Variants in CHAMP1 observed in about 807,000 individuals in gnomAD.
The protein encoded by CHAMP1 is chromosome alignment maintaining phosphoprotein 1.
CHAMP1 carries 4 observed loss-of-function variants against 54.5 expected under a neutral mutation model. That is an observed-to-expected ratio of 0.07 (90% CI 0.04 to 0.17). CHAMP1 has a LOEUF of 0.17. Ranked by LOEUF, CHAMP1 falls within the 10% of genes least tolerant of loss-of-function variation. The pLI, the probability that CHAMP1 is intolerant of heterozygous loss-of-function variation, is 1.00. For synonymous variants in CHAMP1, 368 were observed against 342.2 expected (o/e 1.08, Z -0.83); for missense variants, 994 against 968.6 (o/e 1.03, Z -0.35).
In CHAMP1 at chr13:114,324,736, A is replaced by G. The variant is rs1555379578; in HGVS notation, c.894A>G (p.Pro298=). 1 of 1,613,862 alleles carries G rather than the reference A, an allele frequency of 6.2e-7. No homozygotes were observed. Among genetic ancestry groups the G allele is most frequent in the Non-Finnish European group, 8.5e-7 (1 of 1,179,834 alleles). The part of the protein sequence containing the change: ...EPWKPFPAVS[P]EPRRPAPAVS... The stretch of plus-strand genomic sequence containing the variant: ...GGAAGCCGTTCCCTGCTGTCTCCCC[A>G]GAGCCTAGGAGACCAGCCCCCGCTG... The change falls in exon 3 of 3, where the codon CCA becomes CCG. Residue 298 remains proline, a synonymous_variant. Transcript: ENST00000361283.
intron 1 of CHAMP1, among the ~76,000 whole-genome samples, chr13:114,320,792 TA>T (rs1273561895): frequency 6.6e-6 from 1 of 151,986 alleles, no homozygotes; most frequent in Non-Finnish European, 1.5e-5. Context: ...CCGTCTCTAC[TA>T]AAAATACAAA....
In CHAMP1 at chr13:114,324,471, C is replaced by T. The variant is rs782332427; in HGVS notation, c.629C>T (p.Pro210Leu). The T allele has an allele frequency of 6.2e-7, 1 of 1,614,194 alleles. No homozygotes were observed. The highest frequency in any genetic ancestry group is 2.2e-5 in the East Asian group (1 of 44,886). ...GTTCCTTCTCCAGAACCACAGAAAC[C>T]TGCCCCTGTATCTCCTGAGTCAGTA... is the stretch of plus-strand genomic sequence containing the variant. ...APVPSPEPQK[P>L]APVSPESVKA... Residue 210 changes from proline (P) to leucine (L), a missense_variant, in exon 3 of 3, where the codon CCT becomes CTT. Pro to Leu is a moderately conservative substitution (Grantham distance 98). This residue lies in a region of CHAMP1 where 851 missense variants were observed against 701.3 expected (regional missense o/e 1.21). Coordinates refer to ENST00000361283, the MANE Select transcript of CHAMP1 (RefSeq NM_032436.4).
chr13:114,324,912 G>C lies in CHAMP1; in HGVS notation c.1070G>C (p.Gly357Ala). Residue 357 changes from glycine (G) to alanine (A), a missense_variant, in exon 3 of 3, where the codon GGA (glycine) becomes GCA (alanine). By Grantham distance (60) the Gly-to-Ala change is moderately conservative. Coordinates refer to ENST00000361283, the MANE Select transcript of CHAMP1 (RefSeq NM_032436.4). ...AAACCAATTCCTTCTGTATCTCCTG[G>C]ACCTTGGAAACCAACTCCATCTGTG... ...PWKPIPSVSP[G>A]PWKPTPSVSS... 6.2e-7 allele frequency: 1 copy of C among 1,613,972 alleles called. No individual in the cohort carries two copies. The highest frequency in any genetic ancestry group is 2.2e-5 in the East Asian group (1 of 44,856).
chr13:114,326,266 G>A lies in CHAMP1; in HGVS notation c.2424G>A (p.Glu808=), dbSNP rs994435488. ...KLMEALEPPL[E]EQQI is the part of the protein sequence containing the mutation. ...TGGAAGCTCTTGAACCGCCACTGGAGGAGCAGCAAATTTGATAACACAGTG... is the reference window on the plus strand; with the variant it reads ...TGGAAGCTCTTGAACCGCCACTGGAAGAGCAGCAAATTTGATAACACAGTG... Residue 808 remains glutamate, a synonymous_variant, in exon 3 of 3, where the codon GAG becomes GAA. Transcript: ENST00000361283. The A allele has an allele frequency of 6.4e-7, 1 of 1,569,436 alleles. No homozygotes were observed. Among genetic ancestry groups the A allele is most frequent in the Non-Finnish European group, 8.6e-7 (1 of 1,160,668 alleles).
chr13:114,323,528 C>A, intron 2 of CHAMP1: 1 of 259,862 alleles, frequency 3.8e-6, no homozygotes, highest in Non-Finnish European at 7.2e-6. Context: ...GGTAACTTCT[C>A]TGAACCTGTT....
Position 114,325,023 on chromosome 13 carries a change from C to G in CHAMP1, c.1181C>G (p.Pro394Arg). The G allele has an allele frequency of 6.2e-7, 1 of 1,614,148 alleles. No homozygotes were observed. The highest frequency in any genetic ancestry group is 8.5e-7 in the Non-Finnish European group (1 of 1,180,040). Residue 394 changes from proline to arginine, a missense_variant, in exon 3 of 3, where the codon CCA (proline) becomes CGA (arginine). By Grantham distance (103) the Pro-to-Arg change is moderately radical. This residue lies in a region of CHAMP1 where 851 missense variants were observed against 701.3 expected (regional missense o/e 1.21). Transcript: ENST00000361283. ...PASPESWKSG[P>R]PELRKTAPTL... ...TCTCCTGAGTCATGGAAGTCTGGCC[C>G]ACCAGAACTCCGAAAGACAGCTCCC...
chr13:114,317,076 G>A (rs936333442), intron 1 of CHAMP1, among the ~76,000 whole-genome samples: 2 of 152,060 alleles, frequency 1.3e-5, no homozygotes, highest in African/African-American at 4.8e-5. Context: ...GGAGTGCAGT[G>A]GCTCAGTCTT....
In CHAMP1 at chr13:114,325,157, C is replaced by G; in HGVS notation, c.1315C>G (p.Leu439Val). Residue 439 changes from leucine to valine, a missense_variant, in exon 3 of 3, where the codon CTC (leucine) becomes GTC (valine). Around this residue, in one of 3 missense-constraint regions of CHAMP1, gnomAD observed 851 missense variants for 701.3 expected, o/e 1.21. Transcript: ENST00000361283. ...CCGTAGTCCAGCAGGATCTCCAGAG[C>G]TCAGAAAACCCTCAGGGTCACCAGA... is the stretch of plus-strand genomic sequence containing the variant. ...EIRSPAGSPE[L>V]RKPSGSPDLW... The G allele has an allele frequency of 6.2e-7, 1 of 1,614,206 alleles. No homozygotes were observed. Among genetic ancestry groups the G allele is most frequent in the East Asian group, 2.2e-5 (1 of 44,894 alleles).
In CHAMP1 at chr13:114,324,073, A is replaced by G. The variant is rs781981095; in HGVS notation, c.231A>G (p.Val77=). The G allele has an allele frequency of 1.9e-6, 3 of 1,614,126 alleles. No homozygotes were observed. Among genetic ancestry groups the G allele is most frequent in the Non-Finnish European group, 1.7e-6 (2 of 1,180,044 alleles). Residue 77 remains valine (V), a synonymous_variant, in exon 3 of 3, where the codon GTA becomes GTG. Coordinates refer to ENST00000361283, the MANE Select transcript of CHAMP1 (RefSeq NM_032436.4). ...TCACCAGCAAGATGTACTCTAATGTATACTATCACATCACATCCAAACATG... is the reference window on the plus strand; with the variant it reads ...TCACCAGCAAGATGTACTCTAATGTGTACTATCACATCACATCCAAACATG... The part of the protein sequence containing the change: ...CFFTSKMYSN[V]YYHITSKHAS...
At chr13:114,323,635 T>C in intron 2 of CHAMP1, 153 bp from the exon 3 acceptor site, 1 of 600,908 alleles carries the variant, frequency 1.7e-6, no homozygotes, top group South Asian at 2.6e-5. Context: ...GGGACTGTTC[T>C]ATATCTCCTT....
At chr13:114,315,487 G>GTGGTA (rs750747115) in intron 1 of CHAMP1, among the ~76,000 whole-genome samples, 7 of 152,208 alleles carry the variant, frequency 4.6e-5, no homozygotes. Context: ...AAGGCAAGCT[G>GTGGTA]TGGTATATAC....
intron 2 of CHAMP1, chr13:114,322,640 AT>A (rs1450457715): frequency 6.6e-6 from 1 of 152,250 alleles, no homozygotes; most frequent in Non-Finnish European, 1.5e-5. Context: ...CAAGTAATCC[AT>A]TGCTAGGAAT....
Position 114,325,715 on chromosome 13 carries a change from G to A in CHAMP1, c.1873G>A (p.Glu625Lys). 1 of 1,614,010 alleles carries A rather than the reference G, an allele frequency of 6.2e-7. No individual in the cohort carries two copies. Among genetic ancestry groups the A allele is most frequent in the South Asian group, 1.1e-5 (1 of 91,042 alleles). Residue 625 changes from glutamate to lysine, a missense_variant, in exon 3 of 3, where the codon GAG becomes AAG. Physicochemically the swap from Glu to Lys is moderately conservative, Grantham distance 56. This residue lies in a region of CHAMP1 where 851 missense variants were observed against 701.3 expected (regional missense o/e 1.21). Transcript: ENST00000361283. The stretch of plus-strand genomic sequence containing the variant: ...AAAGAAGCTCAAGAAAGACAACCAA[G>A]AGAGCTCAGACGCTGAGCTTAGTAG... The part of the protein sequence containing the change: ...SSKKLKKDNQ[E>K]SSDAELSSSE...
intron 1 of CHAMP1, among the ~76,000 whole-genome samples, chr13:114,316,758 T>A (rs181836920): frequency 1.3e-5 from 2 of 151,908 alleles, no homozygotes; most frequent in African/African-American, 2.4e-5. Context: ...TTGGATTTTT[T>A]TTTTTTTTTT....
At chr13:114,315,459 C>T (rs901664905) in intron 1 of CHAMP1, among the ~76,000 whole-genome samples, 38 of 149,736 alleles carry the variant, frequency 2.5e-4, no homozygotes, top group African/African-American at 8.7e-4. Flanking sequence ...ATCCAGATGT[C>T]TATCAACATG....
Position 114,325,588 on chromosome 13 carries a change from A to G in CHAMP1, c.1746A>G (p.Leu582=). 1.2e-6 allele frequency: 2 copies of G among 1,614,202 alleles called. No individual in the cohort carries two copies. Among genetic ancestry groups the G allele is most frequent in the South Asian group, 2.2e-5 (2 of 91,078 alleles). The change falls in exon 3 of 3, where the codon CTA becomes CTG. Residue 582 remains leucine (L), a synonymous_variant. Transcript: ENST00000361283. ...SQKAVELGDE[L]QIDAIDDQKC... Reference sequence around the variant, plus strand: ...AGGCTGTTGAGCTTGGTGATGAACTACAAATAGATGCCATAGATGATCAAA... The same window carrying G: ...AGGCTGTTGAGCTTGGTGATGAACTGCAAATAGATGCCATAGATGATCAAA...
At position 114,326,333 on chromosome 13, in the gene CHAMP1, T is replaced by C. The variant is rs375209771; in HGVS notation, c.*52T>C. ...AAAGGTGTTTGTTGGAACCATTCTT[T>C]GTAAGTATAGCTTATCAGATAGCAT... On this transcript the variant is annotated 3_prime_UTR_variant, in exon 3 of 3. Coordinates refer to ENST00000361283, the MANE Select transcript of CHAMP1 (RefSeq NM_032436.4). 1.7e-3 allele frequency: 2,577 copies of C among 1,515,474 alleles called. 5 individuals carry two copies. Among genetic ancestry groups the C allele is most frequent in the South Asian group, 3.6e-3 (263 of 73,482 alleles). The allele number at this position is 1,515,474 out of a possible 1,614,324, so 93.9% of individuals were successfully genotyped here.
intron 1 of CHAMP1, among the ~76,000 whole-genome samples, chr13:114,317,443 T>C (rs902402703): frequency 6.6e-6 from 1 of 151,738 alleles, no homozygotes; most frequent in Non-Finnish European, 1.5e-5. Context: ...CTGGACAACA[T>C]AGTGAGACCT....
At chr13:114,318,982 A>G (rs925104983) in intron 1 of CHAMP1, among the ~76,000 whole-genome samples, 1 of 150,420 alleles carries the variant, frequency 6.6e-6, no homozygotes, top group South Asian at 2.1e-4. Flanking sequence ...TGCCCAGTGC[A>G]GAATATGGGA....
Sources: allele counts gnomAD v4.1 joint callset (sites outside exome capture counted in the v4.1 genomes callset), GRCh38; gene constraint gnomAD v4.1.1; regional missense constraint gnomAD v4.1.1; transcripts MANE v1.5; gene names NCBI Gene and HGNC (gene_info 2026-07-23, HGNC 2026-07-21).